The following KCNB2 variants were observed in gnomAD, a reference collection of about 807,000 sequenced individuals.
The protein encoded by KCNB2 is delayed rectifier potassium channel protein.
Under a neutral mutation model 61.5 loss-of-function variants are expected in KCNB2, and 15 were observed. That is an observed-to-expected ratio of 0.24 (90% confidence interval 0.16 to 0.38). The LOEUF (loss-of-function observed/expected upper bound fraction) is 0.38. Ranked by LOEUF, KCNB2 falls within the 10% of genes least tolerant of loss-of-function variation. KCNB2 has a pLI of 1.00. For synonymous variants in KCNB2, 457 were observed against 446.0 expected (o/e 1.02, Z -0.31); for missense variants, 828 against 1,125.2 (o/e 0.74, Z 3.78).
At chr8:72,682,388 T>C (rs968741112) in intron 2 of KCNB2, among the ~76,000 whole-genome samples, 5 of 152,108 alleles carry the variant, frequency 3.3e-5, no homozygotes, top group African/African-American at 1.2e-4. Flanking sequence ...TGCTAACTAG[T>C]ATTATAAAGG....
At chr8:72,540,306 A>G (rs1364187112) in intron 1 of KCNB2, among the ~76,000 whole-genome samples, 1 of 152,168 alleles carries the variant, frequency 6.6e-6, no homozygotes, top group Non-Finnish European at 1.5e-5. Context: ...AGGAAATCTC[A>G]TGCATATTTT....
intron 2 of KCNB2, among the ~76,000 whole-genome samples, chr8:72,648,475 T>C (rs1806164986): frequency 6.6e-6 from 1 of 152,118 alleles, no homozygotes; most frequent in Admixed American, 6.6e-5. Context: ...ACAGGGTCTA[T>C]GTTGCCTAGG....
At position 72,830,032 on chromosome 8, in the gene KCNB2, A is replaced by T. The variant is rs1418715906; in HGVS notation, c.580-105903A>T. Among the ~76,000 whole-genome samples, 9 of 151,862 alleles carry T rather than the reference A, an allele frequency of 5.9e-5. No homozygotes were observed. In the South Asian group the frequency reaches 1.9e-3, roughly 32 times the overall value. ...AGGTTTTCCATAATTGGTCGCTAAA[A>T]ATTGCTACTATTTGTCAACTGAGAA... On this transcript the variant is annotated intron_variant, in intron 2 of 2. Transcript: ENST00000523207.
chr8:72,635,191 T>C (rs1020979572), intron 2 of KCNB2, among the ~76,000 whole-genome samples: 8 of 152,310 alleles, frequency 5.3e-5, no homozygotes, highest in Admixed American at 3.9e-4. Flanking sequence ...CTGTGTCTGC[T>C]GGCAAGGCTG....
At chr8:72,587,463 C>T (rs766420744) in intron 2 of KCNB2, among the ~76,000 whole-genome samples, 2 of 152,214 alleles carry the variant, frequency 1.3e-5, no homozygotes, top group Non-Finnish European at 2.9e-5. Flanking sequence ...GTGGCTCACA[C>T]CTTTAATCCC....
Position 72,906,441 on chromosome 8 carries a change from A to T in KCNB2, c.580-29494A>T, listed in dbSNP as rs534169336. 9.8e-5 allele frequency among the ~76,000 whole-genome samples: 15 copies of T among 152,352 alleles called. No homozygotes were observed. The South Asian group carries it at 3.1e-3, about 32-fold the overall frequency. ...AAACAAGAGAATTTATAATTTTGAA[A>T]AAAGTATTTATTTCCATTTCTTTTA... On this transcript the variant is annotated intron_variant, in intron 2 of 2. Transcript: ENST00000523207.
Position 72,726,963 on chromosome 8 carries a change from C to T in KCNB2, c.579+158650C>T, listed in dbSNP as rs148355850. ...ACAGAGTTCAGAGCTCTGATAGCAACGTGAACCTCACCTAATGAAAATGCT... is the reference window on the plus strand; with the variant it reads ...ACAGAGTTCAGAGCTCTGATAGCAATGTGAACCTCACCTAATGAAAATGCT... On this transcript the variant is annotated intron_variant, in intron 2 of 2. Coordinates refer to ENST00000523207, the MANE Select transcript of KCNB2 (RefSeq NM_004770.3). 4.7e-3 allele frequency among the ~76,000 whole-genome samples: 712 copies of T among 152,260 alleles called. 6 individuals are homozygous for T. Among genetic ancestry groups the T allele is most frequent in the African/African-American group, 0.016 (678 of 41,554 alleles).
chr8:72,815,161 C>T (rs976997188), intron 2 of KCNB2, among the ~76,000 whole-genome samples: 2 of 152,078 alleles, frequency 1.3e-5, no homozygotes, highest in Non-Finnish European at 2.9e-5. Context: ...CCCATTAATG[C>T]AAATACTAAG....
intron 2 of KCNB2, among the ~76,000 whole-genome samples, chr8:72,577,641 G>A (rs1384028415): frequency 4.1e-4 from 62 of 152,078 alleles, no homozygotes; most frequent in Non-Finnish European, 1.2e-4. Flanking sequence ...TAGATTTCAC[G>A]CTTTAACTTC....
At chr8:72,831,795 A>G (rs192665699) in intron 2 of KCNB2, among the ~76,000 whole-genome samples, 2 of 152,366 alleles carry the variant, frequency 1.3e-5, no homozygotes, top group African/African-American at 4.8e-5. Flanking sequence ...TGTCTGAGAA[A>G]AGATGCAAGG....
At chr8:72,745,149 C>T (rs1808036687) in intron 2 of KCNB2, among the ~76,000 whole-genome samples, 1 of 152,160 alleles carries the variant, frequency 6.6e-6, no homozygotes, top group South Asian at 2.1e-4. Flanking sequence ...ACTACCCACC[C>T]CACCTTGGGA....
At chr8:72,932,868 A>G (rs1806818129) in intron 2 of KCNB2, among the ~76,000 whole-genome samples, 1 of 152,190 alleles carries the variant, frequency 6.6e-6, no homozygotes, top group African/African-American at 2.4e-5. Flanking sequence ...CAATAAGACA[A>G]TAAACTTGCA....
chr8:72,649,916 G>A (rs1806188242), intron 2 of KCNB2, among the ~76,000 whole-genome samples: 2 of 152,146 alleles, frequency 1.3e-5, no homozygotes, highest in Non-Finnish European at 2.9e-5. Context: ...TAAACAGATG[G>A]TTCTCCTGCG....
In KCNB2 at chr8:72,938,100, A is replaced by G; in HGVS notation, c.*9A>G. On this transcript the variant is annotated 3_prime_UTR_variant, in exon 3 of 3. Coordinates refer to ENST00000523207, the MANE Select transcript of KCNB2 (RefSeq NM_004770.3). ...GTGAAACCAGCATGTGACTAGTTAC[A>G]AAAGCAATAAATTGAAACAAAACAA... is the stretch of plus-strand genomic sequence containing the variant. The G allele has an allele frequency of 6.4e-7, 1 of 1,567,572 alleles. No individual in the cohort carries two copies. Among genetic ancestry groups the G allele is most frequent in the Non-Finnish European group, 8.7e-7 (1 of 1,153,910 alleles).
intron 2 of KCNB2, among the ~76,000 whole-genome samples, chr8:72,710,474 A>G (rs1220294169): frequency 6.6e-6 from 1 of 152,148 alleles, no homozygotes; most frequent in Non-Finnish European, 1.5e-5. Context: ...ATATATATAT[A>G]TAAAACTAAA....
chr8:72,594,046 G>C (rs1422636525), intron 2 of KCNB2, among the ~76,000 whole-genome samples: 2 of 152,104 alleles, frequency 1.3e-5, no homozygotes, highest in African/African-American at 4.8e-5. Context: ...CGTAAGGGTA[G>C]AAAGATAAGT....
At chr8:72,731,292 T>C (rs762152909) in intron 2 of KCNB2, among the ~76,000 whole-genome samples, 1 of 152,208 alleles carries the variant, frequency 6.6e-6, no homozygotes, top group Non-Finnish European at 1.5e-5. Flanking sequence ...TGATGAATAG[T>C]TCACTTAAGA....
chr8:72,809,948 C>T (rs561480690), intron 2 of KCNB2, among the ~76,000 whole-genome samples: 1 of 152,214 alleles, frequency 6.6e-6, no homozygotes, highest in East Asian at 1.9e-4. Flanking sequence ...CTATAATTAC[C>T]TCACACTTCT....
chr8:72,794,560 A>G (rs2128998962), intron 2 of KCNB2, among the ~76,000 whole-genome samples: 1 of 122,138 alleles, frequency 8.2e-6, no homozygotes, highest in African/African-American at 3.2e-5. Flanking sequence ...GCAAGACTCC[A>G]TCTCAAAAAA....
Sources: allele counts gnomAD v4.1 joint callset (sites outside exome capture counted in the v4.1 genomes callset), GRCh38; gene constraint gnomAD v4.1.1; transcripts MANE v1.5; gene names NCBI Gene and HGNC (gene_info 2026-07-23, HGNC 2026-07-21).